XPO1: variants seen among roughly 807,000 people sequenced by gnomAD.
XPO1 encodes the protein exportin 1.
Under a neutral mutation model 133.3 loss-of-function variants are expected in XPO1, and 5 were observed. The ratio of observed to expected loss-of-function variants is 0.04; its 90% CI spans 0.02 to 0.08. The LOEUF (loss-of-function observed/expected upper bound fraction) is 0.08. Among genes scored for constraint, XPO1 ranks in the 10% least tolerant of loss-of-function variants. XPO1 has a pLI of 1.00. For missense variants in XPO1, 506 were observed against 1,267.5 expected, an observed-to-expected ratio of 0.40 and a Z score of 9.12; for synonymous variants, 419 against 408.2, an observed-to-expected ratio of 1.03 and a Z score of -0.32.
At chr2:61,502,737 A>T (rs1315962448) in intron 4 of XPO1, 1 of 126,998 alleles carries the variant, frequency 7.9e-6, no homozygotes, top group Non-Finnish European at 1.7e-5. Context: ...TGGGCAACAG[A>T]GCAAGACTTA....
At chr2:61,488,530 C>G in intron 18 of XPO1, 58 bp downstream of exon 18, 1 of 1,509,452 alleles carries the variant, frequency 6.6e-7, no homozygotes, top group Non-Finnish European at 9.0e-7. Context: ...TGACTTAAGG[C>G]AGTAGAAGAG....
At position 61,488,243 on chromosome 2, in the gene XPO1, A is replaced by C. The variant is rs762581181; in HGVS notation, c.2235T>G (p.Ile745Met). Residue 745 changes from isoleucine (I) to methionine (M), a missense_variant, in exon 19 of 25, where the codon ATT becomes ATG. Transcript: ENST00000401558. ...CCCTTTTTACAGTTCGCATACTTCTAATCAATGGTTGCTTTGTAACCATTT... is the reference window on the plus strand; with the variant it reads ...CCCTTTTTACAGTTCGCATACTTCTCATCAATGGTTGCTTTGTAACCATTT... ...NGEMVTKQPL[I>M]RSMRTVKRET... is the part of the protein sequence containing the mutation. The C allele has an allele frequency of 1.9e-6, 3 of 1,613,974 alleles. No individual in the cohort carries two copies. Among genetic ancestry groups the C allele is most frequent in the Non-Finnish European group, 2.5e-6 (3 of 1,179,942 alleles).
At chr2:61,530,889 A>G (rs747237615) in intron 2 of XPO1, among the ~76,000 whole-genome samples, 4 of 152,118 alleles carry the variant, frequency 2.6e-5, no homozygotes, top group Non-Finnish European at 4.4e-5. Context: ...AATCATTTTC[A>G]TTATACTGCT....
At chr2:61,530,788 CATA>C (rs1699117909) in intron 2 of XPO1, among the ~76,000 whole-genome samples, 2 of 150,246 alleles carry the variant, frequency 1.3e-5, no homozygotes, top group Admixed American at 6.6e-5. Context: ...GCTTAATTAG[CATA>C]ATAAATTTTT....
At chr2:61,521,761 TGTTC>T (rs1198891510) in intron 4 of XPO1, among the ~76,000 whole-genome samples, 1 of 151,992 alleles carries the variant, frequency 6.6e-6, no homozygotes, top group Non-Finnish European at 1.5e-5. Flanking sequence ...TTGTTGTTGT[TGTTC>T]TTGTTTTTTG....
intron 3 of XPO1, among the ~76,000 whole-genome samples, chr2:61,524,992 G>A (rs1005908652): frequency 7.9e-5 from 12 of 151,814 alleles, no homozygotes; most frequent in African/African-American, 2.9e-4. Context: ...GAAAGCCAAT[G>A]ATAAATCACT....
chr2:61,492,385 A>G lies in XPO1; in HGVS notation c.1663T>C (p.Leu555=), dbSNP rs764088714. The change falls in exon 15 of 25, where the codon TTG becomes CTG. Residue 555 remains leucine, a synonymous_variant. Transcript: ENST00000401558. This position sits in a 1 kb window ranked among gnomAD's most constrained non-coding sequence, Gnocchi z 5.6. ...MYIVGQYPRF[L]RAHWKFLKTV... is the part of the protein sequence containing the mutation. ...TTCAGAAATTTCCAGTGAGCTCTCA[A>G]AAAACGTGGGTATTGACCTACTATG... 1.2e-5 allele frequency: 20 copies of G among 1,609,948 alleles called. 1 individual carries two copies. In the East Asian group the frequency reaches 2.9e-4, roughly 23 times the overall value.
At chr2:61,536,888 G>C (rs1699377557) in intron 1 of XPO1, 1 of 152,648 alleles carries the variant, frequency 6.6e-6, no homozygotes, top group Non-Finnish European at 1.5e-5. Context: ...GAATGAAGGA[G>C]AATCAGGGCA....
intron 4 of XPO1, among the ~76,000 whole-genome samples, chr2:61,506,232 C>T (rs1252327546): frequency 6.6e-6 from 1 of 152,140 alleles, no homozygotes; most frequent in Non-Finnish European, 1.5e-5. Context: ...ACCAGCCTGG[C>T]CAACATGGTG....
intron 23 of XPO1, among the ~76,000 whole-genome samples, 175 bp from the exon 24 acceptor site, chr2:61,481,456 C>G (rs1016991285): frequency 6.7e-6 from 1 of 150,010 alleles, no homozygotes; most frequent in African/African-American, 2.4e-5. Flanking sequence ...TTTTTTTAAT[C>G]AAGAATTTTT....
chr2:61,531,157 A>T (rs1383881526), intron 2 of XPO1, among the ~76,000 whole-genome samples: 1 of 152,216 alleles, frequency 6.6e-6, no homozygotes, highest in South Asian at 2.1e-4. Context: ...GTAAACGAAA[A>T]GTAGACTGAA....
At chr2:61,501,202 A>C (rs1697498604) in intron 6 of XPO1, among the ~76,000 whole-genome samples, 1 of 152,174 alleles carries the variant, frequency 6.6e-6, no homozygotes, top group Non-Finnish European at 1.5e-5. Context: ...GATGTTTCTA[A>C]GTCTTATTTA....
chr2:61,522,893 T>C (rs1443759330), intron 3 of XPO1, among the ~76,000 whole-genome samples: 1 of 152,208 alleles, frequency 6.6e-6, no homozygotes, highest in Non-Finnish European at 1.5e-5. Context: ...TGCTACTCTA[T>C]ATAACGTCCT....
intron 10 of XPO1, among the ~76,000 whole-genome samples, chr2:61,496,460 C>G (rs1697247444): frequency 6.6e-6 from 1 of 152,116 alleles, no homozygotes; most frequent in Non-Finnish European, 1.5e-5. Flanking sequence ...TCCTCCCATT[C>G]TGGCCTCCCA....
intron 12 of XPO1, 44 bp downstream of exon 12, chr2:61,493,846 AAACC>A (rs780240666): frequency 2.6e-5 from 42 of 1,597,524 alleles, no homozygotes; most frequent in Non-Finnish European, 3.1e-5. Context: ...TCAGACCTCA[AAACC>A]ACAGTATGCA....
At chr2:61,532,026 T>C (rs992169354) in intron 2 of XPO1, among the ~76,000 whole-genome samples, 1 of 152,240 alleles carries the variant, frequency 6.6e-6, no homozygotes, top group South Asian at 2.1e-4. Flanking sequence ...CATTTATACA[T>C]GATGCTTTTT....
rs13385848 is a variant in XPO1 at position 61,484,152 on chromosome 2, G to C, written c.2509-47C>G. 232 of 1,520,394 alleles carry C rather than the reference G, an allele frequency of 1.5e-4. No homozygotes were observed. The African/African-American group carries it at 2.6e-3, about 17-fold the overall frequency. The allele number at this position is 1,520,394 out of a possible 1,614,324, so 94.2% of individuals were successfully genotyped here. On this transcript the variant is annotated intron_variant, in intron 20 of 24. Coordinates refer to ENST00000401558, the MANE Select transcript of XPO1 (RefSeq NM_003400.4). ...AAAATAATGTTTCAGTGTCTTTGTT[G>C]TGCTAGACAGGAGGGGAAAAGCAAG...
At chr2:61,506,743 G>T (rs370068773) in intron 4 of XPO1, among the ~76,000 whole-genome samples, 41 of 151,998 alleles carry the variant, frequency 2.7e-4, no homozygotes, top group African/African-American at 9.4e-4. Flanking sequence ...ACATATCTAG[G>T]TAGAAAATCG....
rs560046468 is a variant in XPO1, at chr2:61,479,325, G to A, written c.3070-359C>T. Among the ~76,000 whole-genome samples, 9 of 152,112 alleles carry A rather than the reference G, an allele frequency of 5.9e-5. No homozygotes were observed. In the South Asian group the frequency reaches 6.2e-4, roughly 11 times the overall value. The stretch of plus-strand genomic sequence containing the variant: ...ATTAGCCATGCATGGTGGCACAGGC[G>A]CCTGTAATCCCAGCTACTTGGGAGG... On this transcript the variant is annotated intron_variant, in intron 24 of 24. Coordinates refer to ENST00000401558, the MANE Select transcript of XPO1 (RefSeq NM_003400.4).
Sources: gnomAD v4.1 joint callset for allele counts (sites outside exome capture counted in the v4.1 genomes callset) on GRCh38, gnomAD v4.1.1 for gene constraint, Gnocchi (gnomAD v3.1) non-coding constraint, MANE v1.5 for transcripts, NCBI Gene and HGNC (gene_info 2026-07-23, HGNC 2026-07-21) for gene names.